TTC27: variants seen among roughly 807,000 people sequenced by gnomAD.
TTC27 encodes tetratricopeptide repeat protein 27.
A neutral mutation model predicts 115.9 loss-of-function variants in TTC27; 79 were observed. The observed-to-expected ratio is 0.68, with a 90% CI of 0.57 to 0.82. TTC27 has a LOEUF of 0.82. TTC27 is among the 40% of genes least tolerant of loss of function. The pLI is 0.00. For missense variants in TTC27, 1,054 were observed against 993.1 expected (o/e 1.06, Z -0.82); for synonymous variants, 401 against 356.0 (o/e 1.13, Z -1.42).
At chr2:32,745,365 A>G (rs1668788145) in intron 12 of TTC27, among the ~76,000 whole-genome samples, 1 of 152,152 alleles carries the variant, frequency 6.6e-6, no homozygotes, top group Non-Finnish European at 1.5e-5. Context: ...ATCTCAGTGG[A>G]AAAATACAGT....
At chr2:32,665,094 G>T (rs927253011) in intron 6 of TTC27, among the ~76,000 whole-genome samples, 2 of 151,820 alleles carry the variant, frequency 1.3e-5, no homozygotes, top group Non-Finnish European at 2.9e-5. Context: ...TGATCCGCCC[G>T]CCTTGGCCTC....
intron 3 of TTC27, among the ~76,000 whole-genome samples, chr2:32,634,931 AC>A (rs1219626461): frequency 2.0e-5 from 3 of 152,186 alleles, no homozygotes; most frequent in African/African-American, 4.8e-5. Context: ...TGCTGGGTTT[AC>A]AGGCGTGAGC....
chr2:32,773,466 CCT>C (rs1195957624), intron 13 of TTC27, among the ~76,000 whole-genome samples: 2 of 152,188 alleles, frequency 1.3e-5, no homozygotes, highest in Non-Finnish European at 2.9e-5. Flanking sequence ...CCTGTTTCCC[CCT>C]CTCTCTTTAT....
chr2:32,708,521 G>A (rs1420205590), intron 10 of TTC27, among the ~76,000 whole-genome samples: 1 of 151,578 alleles, frequency 6.6e-6, no homozygotes, highest in Non-Finnish European at 1.5e-5. Context: ...TATTGGTCAG[G>A]CTGGTCTTGA....
At chr2:32,790,671 T>C (rs1380560495) in intron 16 of TTC27, among the ~76,000 whole-genome samples, 1 of 152,178 alleles carries the variant, frequency 6.6e-6, no homozygotes, top group Non-Finnish European at 1.5e-5. Flanking sequence ...TAATCCTCTG[T>C]CTGAAACTTT....
chr2:32,736,622 T>C, intron 11 of TTC27, 72 bp from the exon 12 acceptor site: 1 of 1,575,164 alleles, frequency 6.3e-7, no homozygotes, highest in Non-Finnish European at 8.7e-7. Flanking sequence ...GCAGATTAGG[T>C]ACACCTGCAA....
chr2:32,675,314 A>T (rs560243610), intron 8 of TTC27, among the ~76,000 whole-genome samples: 1 of 152,350 alleles, frequency 6.6e-6, no homozygotes, highest in Admixed American at 6.5e-5. Context: ...TCATCTCATC[A>T]GGAAATTAAA....
chr2:32,775,732 ATG>A (rs1669976451), intron 13 of TTC27, among the ~76,000 whole-genome samples: 2 of 152,166 alleles, frequency 1.3e-5, no homozygotes, highest in South Asian at 4.1e-4. Context: ...AGAAAAAAAA[ATG>A]TTGCCAATAA....
Position 32,804,010 on chromosome 2 carries a change from T to TAA in TTC27, c.1999-7001_1999-7000dup, listed in dbSNP as rs56712262. ...CGACAGAGCGAGACTCCATCTCAAT[T>TAA]AAAAAAAAAAAAAAGAAAAAAATGC... On this transcript the variant is annotated intron_variant, in intron 16 of 19. Transcript: ENST00000317907. Among the ~76,000 whole-genome samples the TAA allele has an allele frequency of 7.5e-3, 1,010 of 133,910 alleles. 14 individuals carry two copies. The highest frequency in any genetic ancestry group is 0.024 in the African/African-American group (875 of 36,108). 87.9% of individuals were successfully genotyped at this position (133,910 alleles called of 152,430 possible).
At chr2:32,680,525 AG>A (rs747145901) in intron 9 of TTC27, among the ~76,000 whole-genome samples, 22 of 152,120 alleles carry the variant, frequency 1.4e-4, no homozygotes, top group Admixed American at 6.6e-5. Context: ...CAAGGTGGTC[AG>A]GGAAGGTCTC....
chr2:32,768,167 C>T (rs1572595634), intron 13 of TTC27, among the ~76,000 whole-genome samples: 2 of 152,192 alleles, frequency 1.3e-5, no homozygotes, highest in East Asian at 3.9e-4. Context: ...TATAATTGTA[C>T]AGCTTGATTA....
At chr2:32,644,946 G>T (rs1664798379) in intron 4 of TTC27, among the ~76,000 whole-genome samples, 1 of 139,966 alleles carries the variant, frequency 7.1e-6, no homozygotes, top group Non-Finnish European at 1.5e-5. Flanking sequence ...GGGCTCAAGT[G>T]ATCCTCCTGC....
chr2:32,679,056 T>C, intron 9 of TTC27, 134 bp downstream of exon 9: 1 of 687,482 alleles, frequency 1.5e-6, no homozygotes, highest in South Asian at 2.0e-5. Context: ...ATCTTACCAC[T>C]GTAGTTTCTA....
At chr2:32,776,036 A>G (rs111670584) in intron 13 of TTC27, among the ~76,000 whole-genome samples, 3 of 152,280 alleles carry the variant, frequency 2.0e-5, no homozygotes, top group African/African-American at 7.2e-5. Context: ...TGAAAGTTCC[A>G]TGATTCAAAA....
chr2:32,802,192 TG>T, intron 16 of TTC27, among the ~76,000 whole-genome samples: 1 of 152,238 alleles, frequency 6.6e-6, no homozygotes, highest in South Asian at 2.1e-4. Context: ...AAAAGGCAAG[TG>T]GGCCTTTGCT....
chr2:32,739,288 A>G (rs1396909106), intron 12 of TTC27, among the ~76,000 whole-genome samples: 1 of 152,214 alleles, frequency 6.6e-6, no homozygotes, highest in Non-Finnish European at 1.5e-5. Context: ...AGTTTTTGAA[A>G]TAATAATATT....
At chr2:32,776,869 C>G (rs1558338364) in intron 13 of TTC27, among the ~76,000 whole-genome samples, 1 of 152,186 alleles carries the variant, frequency 6.6e-6, no homozygotes, top group Non-Finnish European at 1.5e-5. Flanking sequence ...CTCGGCCTCC[C>G]AAAGTGCCGG....
At chr2:32,695,458 C>A (rs559206042) in intron 9 of TTC27, among the ~76,000 whole-genome samples, 5 of 151,866 alleles carry the variant, frequency 3.3e-5, no homozygotes, top group Admixed American at 2.0e-4. Context: ...CGGTGGCTCA[C>A]GCCTGTAATC....
intron 6 of TTC27, among the ~76,000 whole-genome samples, chr2:32,666,021 C>T (rs1665761942): frequency 6.6e-6 from 1 of 152,220 alleles, no homozygotes; most frequent in Non-Finnish European, 1.5e-5. Flanking sequence ...AAAATCCAGA[C>T]TTTCTAGACT....
Sources: allele counts gnomAD v4.1 joint callset (sites outside exome capture counted in the v4.1 genomes callset), GRCh38; gene constraint gnomAD v4.1.1; transcripts MANE v1.5; gene names NCBI Gene and HGNC (gene_info 2026-07-23, HGNC 2026-07-21).